HMOX2: variants seen among roughly 807,000 people sequenced by gnomAD.
HMOX2 encodes the protein heme oxygenase (decycling) 2.
HMOX2 carries 30 observed loss-of-function variants against 33.7 expected under a neutral mutation model. That is an observed-to-expected ratio of 0.89 (90% CI 0.67 to 1.21). The LOEUF (loss-of-function observed/expected upper bound fraction) is 1.21. HMOX2 is among the 50% of genes most tolerant of loss of function. The pLI, the probability that HMOX2 is intolerant of heterozygous loss-of-function variation, is 0.00. For missense variants in HMOX2, 403 were observed against 399.1 expected (o/e 1.01, Z -0.08); for synonymous variants, 155 against 155.0 (o/e 1.00, Z 0.00).
intron 1 of HMOX2, among the ~76,000 whole-genome samples, chr16:4,484,887 G>A (rs983239362): frequency 5.9e-5 from 9 of 151,512 alleles, no homozygotes; most frequent in African/African-American, 9.7e-5. Context: ...ATACTGTATC[G>A]TTTAGGTAAT....
intron 1 of HMOX2, among the ~76,000 whole-genome samples, chr16:4,492,589 C>T (rs1390904810): frequency 2.0e-5 from 3 of 151,880 alleles, no homozygotes; most frequent in Admixed American, 1.3e-4. Flanking sequence ...TGTGGTGGCA[C>T]GTGCCTGTAA....
intron 1 of HMOX2, among the ~76,000 whole-genome samples, chr16:4,495,344 G>A (rs2058393521): frequency 6.6e-6 from 1 of 152,184 alleles, no homozygotes; most frequent in South Asian, 2.1e-4. Flanking sequence ...CCTTCTTTGA[G>A]CAAGTCCAAT....
intron 1 of HMOX2, among the ~76,000 whole-genome samples, chr16:4,503,640 G>C (rs913017279): frequency 2.6e-5 from 4 of 152,172 alleles, no homozygotes; most frequent in African/African-American, 9.7e-5. Context: ...ATGAGTTATT[G>C]CTTGACTTCC....
intron 1 of HMOX2, among the ~76,000 whole-genome samples, chr16:4,489,973 C>G (rs1439709120): frequency 6.6e-6 from 1 of 152,152 alleles, no homozygotes; most frequent in African/African-American, 2.4e-5. Flanking sequence ...TTGAGAATGC[C>G]TCAATTTTGA....
rs74005344 is a variant in HMOX2, at chr16:4,506,683, C to A, written c.87-212C>A. On this transcript the variant is annotated intron_variant, in intron 2 of 5. Coordinates refer to ENST00000570646, the MANE Select transcript of HMOX2 (RefSeq NM_002134.4). ...AGCAGGCCACAGTTATCCCTTGTGT[C>A]CTGAGTCCTTGGAGCAGAATGTCAT... Among the ~76,000 whole-genome samples, 293 of 152,304 alleles carry A rather than the reference C, an allele frequency of 1.9e-3. 1 individual carries two copies. Among genetic ancestry groups the A allele is most frequent in the African/African-American group, 6.6e-3 (276 of 41,566 alleles).
At chr16:4,507,656 A>G in intron 3 of HMOX2, 57 bp from the exon 4 acceptor site, 3 of 1,568,954 alleles carry the variant, frequency 1.9e-6, no homozygotes, top group Non-Finnish European at 2.6e-6. Flanking sequence ...CTCTGCATCC[A>G]GCTGCTCGGA....
chr16:4,504,682 CT>C (rs56922429), intron 1 of HMOX2, among the ~76,000 whole-genome samples: 3,617 of 65,806 alleles, frequency 0.055, 137 homozygotes, highest in African/African-American at 0.15. Flanking sequence ...TTGATACGGT[CT>C]TTTTTTTTTT....
Position 4,509,841 on chromosome 16 carries a change from C to G in HMOX2, c.*85C>G, listed in dbSNP as rs937337105. On this transcript the variant is annotated 3_prime_UTR_variant, in exon 6 of 6. Coordinates refer to ENST00000570646, the MANE Select transcript of HMOX2 (RefSeq NM_002134.4). Reference sequence around the variant, plus strand: ...TCCAGCCCTGACTAAACTACCACCTCAGGTGACTTTTTAAAAAATGCTGGG... The same window carrying G: ...TCCAGCCCTGACTAAACTACCACCTGAGGTGACTTTTTAAAAAATGCTGGG... The G allele has an allele frequency of 2.8e-6, 4 of 1,452,738 alleles. No individual in the cohort carries two copies. The highest frequency in any genetic ancestry group is 3.7e-6 in the Non-Finnish European group (4 of 1,079,518). The allele number at this position is 1,452,738 out of a possible 1,614,324, so 90.0% of individuals were successfully genotyped here.
intron 4 of HMOX2, among the ~76,000 whole-genome samples, chr16:4,508,718 G>C (rs1407243471): frequency 6.6e-6 from 1 of 152,082 alleles, no homozygotes; most frequent in African/African-American, 2.4e-5. Context: ...CCCTGCCACA[G>C]TCTCATTCTC....
chr16:4,482,515 C>T (rs571717720), intron 1 of HMOX2, among the ~76,000 whole-genome samples: 4 of 152,260 alleles, frequency 2.6e-5, no homozygotes, highest in East Asian at 1.9e-4. Flanking sequence ...CTGGAGATAG[C>T]GTCAGATCCC....
chr16:4,497,494 CA>C (rs2058450894), intron 1 of HMOX2, among the ~76,000 whole-genome samples: 1 of 152,166 alleles, frequency 6.6e-6, no homozygotes, highest in Admixed American at 6.5e-5. Flanking sequence ...AGCGAGGTGG[CA>C]ATCAGGGAAC....
Position 4,509,408 on chromosome 16 carries a change from G to C in HMOX2, c.697-4G>C, listed in dbSNP as rs770633862. ...ATGGCTCAGTCGATCCTCTGCTCCTGCAGATATTCAATGAACTGGACCAGG... is the reference window on the plus strand; with the variant it reads ...ATGGCTCAGTCGATCCTCTGCTCCTCCAGATATTCAATGAACTGGACCAGG... On this transcript the variant is annotated splice_polypyrimidine_tract_variant and splice_region_variant and intron_variant, in intron 4 of 5. Transcript: ENST00000570646. 1 of 1,613,740 alleles carries C rather than the reference G, an allele frequency of 6.2e-7. No individual in the cohort carries two copies. Among genetic ancestry groups the C allele is most frequent in the African/African-American group, 1.3e-5 (1 of 74,934 alleles).
Position 4,508,167 on chromosome 16 carries a change from T to C in HMOX2, c.659T>C (p.Val220Ala). The C allele has an allele frequency of 6.2e-7, 1 of 1,613,130 alleles. No individual in the cohort carries two copies. Among genetic ancestry groups the C allele is most frequent in the Non-Finnish European group, 8.5e-7 (1 of 1,179,580 alleles). The stretch of plus-strand genomic sequence containing the variant: ...AACATGAAGACCAAAGAGAGGATCG[T>C]GGAGGAGGCCAACAAGGCTTTTGAG... ...DLNMKTKERI[V>A]EEANKAFEYN... is the part of the protein sequence containing the mutation. The change falls in exon 4 of 6, where the codon GTG becomes GCG. Residue 220 changes from valine to alanine, a missense_variant. Coordinates refer to ENST00000570646, the MANE Select transcript of HMOX2 (RefSeq NM_002134.4).
chr16:4,486,058 G>T (rs1287549087), intron 1 of HMOX2, among the ~76,000 whole-genome samples: 1 of 152,308 alleles, frequency 6.6e-6, no homozygotes, highest in East Asian at 1.9e-4. Context: ...GATTGTCCTG[G>T]AGAGAGAATC....
At chr16:4,488,127 CAA>C (rs60429116) in intron 1 of HMOX2, among the ~76,000 whole-genome samples, 25 of 69,304 alleles carry the variant, frequency 3.6e-4, no homozygotes, top group Admixed American at 2.7e-3. Context: ...AACTCCATCT[CAA>C]AAAAAAAAAA....
Position 4,508,071 on chromosome 16 carries a change from T to C in HMOX2, c.563T>C (p.Leu188Pro). Residue 188 changes from leucine (L) to proline (P), a missense_variant, in exon 4 of 6, where the codon CTG becomes CCG. By Grantham distance (98) the Leu-to-Pro change is moderately conservative. Coordinates refer to ENST00000570646, the MANE Select transcript of HMOX2 (RefSeq NM_002134.4). ...PSTGEGTQFY[L>P]FENVDNAQQF... ...ACAGGGGAAGGGACCCAGTTCTACCTGTTTGAGAATGTGGACAATGCCCAG... is the reference window on the plus strand; with the variant it reads ...ACAGGGGAAGGGACCCAGTTCTACCCGTTTGAGAATGTGGACAATGCCCAG... 6.2e-7 allele frequency: 1 copy of C among 1,614,112 alleles called. No homozygotes were observed. The highest frequency in any genetic ancestry group is 8.5e-7 in the Non-Finnish European group (1 of 1,180,020).
At chr16:4,506,534 C>T (rs1415832209) in intron 2 of HMOX2, among the ~76,000 whole-genome samples, 1 of 152,168 alleles carries the variant, frequency 6.6e-6, no homozygotes, top group African/African-American at 2.4e-5. Flanking sequence ...TTAGAGAAGC[C>T]AGCAAATACT....
chr16:4,509,791 G>T lies in HMOX2; in HGVS notation c.*35G>T, dbSNP rs373430281. 5 of 1,594,278 alleles carry T rather than the reference G, an allele frequency of 3.1e-6. No individual in the cohort carries two copies. The South Asian group carries it at 4.5e-5, about 14-fold the overall frequency. ...CATGCCACACCGGTACCCTCCTCCC[G>T]ACTGACCACTGGCCTACCCCTTTCT... On this transcript the variant is annotated 3_prime_UTR_variant, in exon 6 of 6. Transcript: ENST00000570646.
At chr16:4,478,240 G>A (rs979778282) in intron 1 of HMOX2, among the ~76,000 whole-genome samples, 2 of 152,156 alleles carry the variant, frequency 1.3e-5, no homozygotes, top group African/African-American at 4.8e-5. Context: ...CTCTAGAAAT[G>A]CCAGTGCCAG....
Sources: allele counts gnomAD v4.1 joint callset (sites outside exome capture counted in the v4.1 genomes callset), GRCh38; gene constraint gnomAD v4.1.1; transcripts MANE v1.5; gene names NCBI Gene and HGNC (gene_info 2026-07-23, HGNC 2026-07-21).